The following HELZ variants were observed in gnomAD, a reference collection of about 807,000 sequenced individuals.
HELZ encodes the protein helicase with zinc finger.
HELZ carries 23 observed loss-of-function variants against 218.2 expected under a neutral mutation model. That is an observed-to-expected ratio of 0.11 (90% CI 0.08 to 0.15). The LOEUF (loss-of-function observed/expected upper bound fraction) is 0.15. Among genes scored for constraint, HELZ ranks in the 10% least tolerant of loss-of-function variants. The pLI, the probability that HELZ is intolerant of heterozygous loss-of-function variation, is 1.00. For missense variants in HELZ, 1,813 were observed against 2,353.7 expected (o/e 0.77, Z 4.75); for synonymous variants, 814 against 829.4 (o/e 0.98, Z 0.32).
intron 17 of HELZ, among the ~76,000 whole-genome samples, chr17:67,152,104 G>A (rs1198280838): frequency 6.6e-6 from 1 of 152,218 alleles, no homozygotes; most frequent in African/African-American, 2.4e-5. Flanking sequence ...TATGGTGGGG[G>A]TGGATAGCGG....
rs2037364429 is a variant in HELZ at position 67,114,227 on chromosome 17, G to A, written c.3918+97C>T. On this transcript the variant is annotated intron_variant, in intron 28 of 32. Coordinates refer to ENST00000358691, the MANE Select transcript of HELZ (RefSeq NM_014877.4). ...GTGAAAAAATAAACATAAAGGATAA[G>A]TGTACAAAGGGAGGTATTTTTCTTT... 11 of 788,334 alleles carry A rather than the reference G, an allele frequency of 1.4e-5. 1 individual carries two copies. Among genetic ancestry groups the A allele is most frequent in the Admixed American group, 1.4e-4 (7 of 51,336 alleles). 48.8% of individuals were successfully genotyped at this position (788,334 alleles called of 1,614,324 possible).
intron 31 of HELZ, among the ~76,000 whole-genome samples, chr17:67,103,738 T>C (rs530837455): frequency 6.6e-6 from 1 of 152,296 alleles, no homozygotes; most frequent in South Asian, 2.1e-4. Flanking sequence ...AAGAAATTAG[T>C]AAGCTGATCC....
intron 3 of HELZ, among the ~76,000 whole-genome samples, chr17:67,220,259 C>T (rs1256693231): frequency 6.6e-6 from 1 of 152,150 alleles, no homozygotes; most frequent in African/African-American, 2.4e-5. Context: ...ATGGGCAGCT[C>T]ATAGAGAGCA....
intron 5 of HELZ, among the ~76,000 whole-genome samples, chr17:67,215,132 AGACTCT>A (rs2040562340): frequency 6.6e-6 from 1 of 151,998 alleles, no homozygotes; most frequent in East Asian, 1.9e-4. Context: ...AGACAGAGCA[AGACTCT>A]GTCTCAGAGA....
At chr17:67,179,694 A>G (rs148185212) in intron 12 of HELZ, 2 of 152,198 alleles carry the variant, frequency 1.3e-5, no homozygotes, top group African/African-American at 4.8e-5. Context: ...AGTGCGTATT[A>G]CTTTTCTATT....
chr17:67,152,069 A>G (rs150942867), intron 17 of HELZ, among the ~76,000 whole-genome samples: 47 of 152,284 alleles, frequency 3.1e-4, no homozygotes, highest in African/African-American at 1.1e-3. Context: ...TTAAAGGACT[A>G]TTCTGTTTCT....
chr17:67,087,512 C>G (rs2036429823), intron 31 of HELZ, among the ~76,000 whole-genome samples: 1 of 152,200 alleles, frequency 6.6e-6, no homozygotes, highest in Admixed American at 6.5e-5. Flanking sequence ...AGTCATGGCC[C>G]TCTTGAGCAG....
chr17:67,088,093 T>C (rs1204433477), intron 31 of HELZ, among the ~76,000 whole-genome samples: 4 of 152,194 alleles, frequency 2.6e-5, no homozygotes, highest in Non-Finnish European at 5.9e-5. Flanking sequence ...TAAGGATGCA[T>C]AGCATGTACA....
intron 31 of HELZ, among the ~76,000 whole-genome samples, chr17:67,105,300 T>C (rs1432330270): frequency 6.6e-6 from 1 of 152,176 alleles, no homozygotes; most frequent in Non-Finnish European, 1.5e-5. Flanking sequence ...AAGTTAAACA[T>C]AGACTTACTA....
At chr17:67,139,220 G>A (rs1056445034) in intron 21 of HELZ, among the ~76,000 whole-genome samples, 2 of 152,070 alleles carry the variant, frequency 1.3e-5, no homozygotes, top group African/African-American at 4.8e-5. Flanking sequence ...CAGAGGTAAG[G>A]ACTACAGTCA....
intron 14 of HELZ, 56 bp downstream of exon 14, chr17:67,167,407 C>T (rs184610453): frequency 2.0e-5 from 25 of 1,264,980 alleles, no homozygotes; most frequent in Non-Finnish European, 2.6e-5. Context: ...AGGAAGACTA[C>T]GAGCTGATAA....
At chr17:67,187,896 C>G (rs1300171481) in intron 12 of HELZ, among the ~76,000 whole-genome samples, 2 of 152,156 alleles carry the variant, frequency 1.3e-5, no homozygotes, top group East Asian at 3.8e-4. Flanking sequence ...ACTTTTCATT[C>G]AGAAACAATG....
chr17:67,147,504 G>T (rs920616247), intron 20 of HELZ, among the ~76,000 whole-genome samples: 1 of 152,016 alleles, frequency 6.6e-6, no homozygotes, highest in Admixed American at 6.6e-5. Context: ...TTGAGACAGG[G>T]TCTTGCTCTG....
At chr17:67,190,094 A>G in intron 10 of HELZ, 63 bp downstream of exon 10, 1 of 1,361,188 alleles carries the variant, frequency 7.3e-7, no homozygotes, top group Non-Finnish European at 1.0e-6. Context: ...AGCACACAAT[A>G]AAGTCAAGAC....
intron 18 of HELZ, 39 bp downstream of exon 18, chr17:67,151,007 A>G: frequency 6.4e-7 from 1 of 1,570,596 alleles, no homozygotes. Flanking sequence ...TGAATTCATA[A>G]GCCCTAAACT....
At chr17:67,158,982 A>G (rs1178856199) in intron 17 of HELZ, among the ~76,000 whole-genome samples, 1 of 152,158 alleles carries the variant, frequency 6.6e-6, no homozygotes, top group Non-Finnish European at 1.5e-5. Flanking sequence ...CAAGTACACC[A>G]CGATAACTGA....
chr17:67,218,516 G>T, intron 4 of HELZ, 79 bp downstream of exon 4: 1 of 1,058,290 alleles, frequency 9.4e-7, no homozygotes, highest in Non-Finnish European at 1.5e-6. Context: ...CCCAGAATTA[G>T]CTATTTGTAT....
chr17:67,150,372 G>A (rs905175880), intron 18 of HELZ, among the ~76,000 whole-genome samples: 1 of 151,724 alleles, frequency 6.6e-6, no homozygotes, highest in Non-Finnish European at 1.5e-5. Context: ...CAAGTGATCC[G>A]CCTGCCTCGG....
At chr17:67,159,118 A>T (rs2038927348) in intron 17 of HELZ, among the ~76,000 whole-genome samples, 2 of 152,250 alleles carry the variant, frequency 1.3e-5, no homozygotes. Context: ...ACTTTCACTT[A>T]CAAGCTCAGA....
Sources: gnomAD v4.1 joint callset for allele counts (sites outside exome capture counted in the v4.1 genomes callset) on GRCh38, gnomAD v4.1.1 for gene constraint, MANE v1.5 for transcripts, NCBI Gene and HGNC (gene_info 2026-07-23, HGNC 2026-07-21) for gene names.